Variants in ITGA8 observed in about 807,000 individuals in gnomAD.
ITGA8 encodes integrin alpha-8.
In ITGA8, 91 loss-of-function variants were observed where a neutral mutation model predicts 142.3. That is an observed-to-expected ratio of 0.64 (90% CI 0.54 to 0.76). The LOEUF (loss-of-function observed/expected upper bound fraction) is 0.76. Among genes scored for constraint, ITGA8 ranks in the 30% least tolerant of loss-of-function variants. The pLI, the probability that ITGA8 is intolerant of heterozygous loss-of-function variation, is 0.00. For synonymous variants in ITGA8, 505 were observed against 485.2 expected, an observed-to-expected ratio of 1.04 and a Z score of -0.54; for missense variants, 1,406 against 1,327.7, an observed-to-expected ratio of 1.06 and a Z score of -0.92.
intron 23 of ITGA8, among the ~76,000 whole-genome samples, chr10:15,582,007 G>A (rs1834417485): frequency 6.6e-6 from 1 of 152,202 alleles, no homozygotes; most frequent in South Asian, 2.1e-4. Flanking sequence ...GGGAGGGTGA[G>A]GCAGGAAGAT....
intron 23 of ITGA8, among the ~76,000 whole-genome samples, chr10:15,578,087 A>C (rs1834333188): frequency 6.6e-6 from 1 of 152,152 alleles, no homozygotes; most frequent in Admixed American, 6.5e-5. Flanking sequence ...TATTGTATAT[A>C]ATATCAAAAC....
intron 13 of ITGA8, among the ~76,000 whole-genome samples, chr10:15,635,042 C>T (rs1352482528): frequency 7.3e-5 from 8 of 109,356 alleles, no homozygotes; most frequent in African/African-American, 2.9e-4. Flanking sequence ...GAGTTTTGCT[C>T]TGTCACCAGG....
intron 15 of ITGA8, among the ~76,000 whole-genome samples, chr10:15,609,131 G>A (rs1833248699): frequency 6.6e-6 from 1 of 152,082 alleles, no homozygotes; most frequent in Non-Finnish European, 1.5e-5. Flanking sequence ...ATCTGCACTT[G>A]GCTTTGGTCT....
Position 15,663,381 on chromosome 10 carries a change from AAC to A in ITGA8, c.848-2461_848-2460del, listed in dbSNP as rs566399307. Among the ~76,000 whole-genome samples the A allele has an allele frequency of 2.4e-3, 358 of 152,254 alleles. 1 individual carries two copies. The highest frequency in any genetic ancestry group is 8.3e-3 in the African/African-American group (344 of 41,530). ...TTTTAGATATTTTAGATAGCCTCAA[AAC>A]ACAAAATATCCTTTTATTTTAGATA... On this transcript the variant is annotated intron_variant, in intron 8 of 29. Coordinates refer to ENST00000378076, the MANE Select transcript of ITGA8 (RefSeq NM_003638.3).
rs576477210 is a variant in ITGA8, at chr10:15,596,827, T to C, written c.2211+380A>G. ...ATGTCCTTCCTTTAATTGCCATTGC[T>C]AAAATCTTTGTCCTAATTTGGTTAT... On this transcript the variant is annotated intron_variant, in intron 21 of 29. Coordinates refer to ENST00000378076, the MANE Select transcript of ITGA8 (RefSeq NM_003638.3). 1.6e-3 allele frequency: 282 copies of C among 178,662 alleles called. 3 individuals are homozygous for C. Among genetic ancestry groups the C allele is most frequent in the African/African-American group, 6.3e-3 (266 of 42,388 alleles). The allele number at this position is 178,662 out of a possible 1,614,324, so 11.1% of individuals were successfully genotyped here.
intron 13 of ITGA8, among the ~76,000 whole-genome samples, chr10:15,642,418 C>A (rs1207600427): frequency 6.6e-6 from 1 of 152,128 alleles, no homozygotes; most frequent in East Asian, 1.9e-4. Context: ...GGAAGGAGAC[C>A]TATGACTACC....
intron 1 of ITGA8, among the ~76,000 whole-genome samples, chr10:15,719,139 A>G (rs1381071606): frequency 6.6e-6 from 1 of 152,110 alleles, no homozygotes; most frequent in African/African-American, 2.4e-5. Flanking sequence ...CAGTGAGATG[A>G]GAGAAGGGGG....
At chr10:15,553,235 C>T (rs190969072) in intron 26 of ITGA8, among the ~76,000 whole-genome samples, 3 of 150,042 alleles carry the variant, frequency 2.0e-5, no homozygotes, top group Non-Finnish European at 2.9e-5. Flanking sequence ...CCAGCCTGGG[C>T]GACAGAACGA....
At chr10:15,656,452 C>T (rs1407139335) in intron 10 of ITGA8, among the ~76,000 whole-genome samples, 1 of 152,058 alleles carries the variant, frequency 6.6e-6, no homozygotes, top group African/African-American at 2.4e-5. Context: ...CAACCTCCAC[C>T]TCCTGGATTC....
At chr10:15,686,194 A>G (rs1834830382) in intron 3 of ITGA8, among the ~76,000 whole-genome samples, 2 of 152,208 alleles carry the variant, frequency 1.3e-5, no homozygotes, top group African/African-American at 2.4e-5. Context: ...GGCCCAATGT[A>G]TAACTATTTT....
intron 8 of ITGA8, among the ~76,000 whole-genome samples, chr10:15,666,126 A>G (rs1020485860): frequency 1.3e-5 from 2 of 152,080 alleles, no homozygotes; most frequent in Non-Finnish European, 2.9e-5. Flanking sequence ...CCATTTTCAA[A>G]ATATTGATTC....
intron 27 of ITGA8, among the ~76,000 whole-genome samples, chr10:15,532,908 T>A (rs1378227454): frequency 6.6e-6 from 1 of 152,232 alleles, no homozygotes; most frequent in African/African-American, 2.4e-5. Context: ...GCTCAGGATG[T>A]GATTTATGTC....
At chr10:15,675,700 T>C (rs1280678609) in intron 6 of ITGA8, among the ~76,000 whole-genome samples, 1 of 152,212 alleles carries the variant, frequency 6.6e-6, no homozygotes, top group African/African-American at 2.4e-5. Context: ...ACTCACTTCA[T>C]AGTTTGTCAC....
intron 24 of ITGA8, among the ~76,000 whole-genome samples, 178 bp downstream of exon 24, chr10:15,575,311 G>A (rs377201211): frequency 5.2e-4 from 79 of 152,210 alleles, no homozygotes; most frequent in African/African-American, 1.9e-3. Context: ...GATTGTTTGA[G>A]CCCAGAAAGT....
chr10:15,663,290 C>CAGATATTTTATTTT (rs1159802230), intron 8 of ITGA8, among the ~76,000 whole-genome samples: 3 of 152,042 alleles, frequency 2.0e-5, no homozygotes, highest in African/African-American at 7.2e-5. Context: ...AATCCATTTT[C>CAGATATTTTATTTT]AGATATTTTA....
intron 26 of ITGA8, among the ~76,000 whole-genome samples, chr10:15,549,608 T>G (rs1182526289): frequency 2.0e-5 from 3 of 152,208 alleles, no homozygotes; most frequent in Non-Finnish European, 4.4e-5. Context: ...CTTCTCTAAT[T>G]GTACTCCATC....
intron 8 of ITGA8, among the ~76,000 whole-genome samples, chr10:15,664,957 A>G (rs1251287357): frequency 2.0e-5 from 3 of 152,166 alleles, no homozygotes; most frequent in African/African-American, 4.8e-5. Context: ...GCTATTGTGA[A>G]TAGAGCCGCA....
intron 15 of ITGA8, among the ~76,000 whole-genome samples, chr10:15,608,592 T>A (rs186154931): frequency 6.6e-6 from 1 of 152,060 alleles, no homozygotes. Flanking sequence ...TGAATACAGG[T>A]CAGTATCTTC....
Position 15,620,042 on chromosome 10 carries a change from C to T in ITGA8, c.1400-3483G>A, listed in dbSNP as rs367770533. Among the ~76,000 whole-genome samples the T allele has an allele frequency of 5.3e-4, 81 of 152,328 alleles. No homozygotes were observed. The East Asian group carries it at 9.6e-3, about 18-fold the overall frequency. ...AGCCCTTCCAGGGCAGGAATCTTTACGTTTGCACATCCCCAAATATTCATG... is the reference window on the plus strand; with the variant it reads ...AGCCCTTCCAGGGCAGGAATCTTTATGTTTGCACATCCCCAAATATTCATG... On this transcript the variant is annotated intron_variant, in intron 13 of 29. Coordinates refer to ENST00000378076, the MANE Select transcript of ITGA8 (RefSeq NM_003638.3).
Sources: allele counts gnomAD v4.1 joint callset (sites outside exome capture counted in the v4.1 genomes callset), GRCh38; gene constraint gnomAD v4.1.1; transcripts MANE v1.5; gene names NCBI Gene and HGNC (gene_info 2026-07-23, HGNC 2026-07-21).